The following CCNJL variants were observed in gnomAD, a reference collection of about 807,000 sequenced individuals.
CCNJL encodes the protein cyclin J like, also known as cyclin-J-like protein.
In CCNJL, 33 loss-of-function variants were observed where a neutral mutation model predicts 33.4. The observed-to-expected ratio is 0.99, with a 90% CI of 0.75 to 1.32. The LOEUF is 1.32. CCNJL is among the 40% of genes most tolerant of loss of function. CCNJL has a pLI of 0.00. For missense variants in CCNJL, 512 were observed against 499.7 expected (o/e 1.02, Z -0.23); for synonymous variants, 227 against 220.9 (o/e 1.03, Z -0.24).
chr5:160,298,529 G>A (rs188740833), intron 2 of CCNJL, among the ~76,000 whole-genome samples: 2 of 152,218 alleles, frequency 1.3e-5, no homozygotes, highest in East Asian at 3.9e-4. Context: ...TGCTCCCCTG[G>A]GCCTACAGTC....
chr5:160,268,413 T>C (rs993218334), intron 3 of CCNJL, among the ~76,000 whole-genome samples: 1 of 152,160 alleles, frequency 6.6e-6, no homozygotes, highest in African/African-American at 2.4e-5. Context: ...AGAAGACAAG[T>C]AGATAGAATT....
At position 160,312,515 on chromosome 5, in the gene CCNJL, TCGCCGCGCCCCTGCGTGCGCTCGGGTCC is replaced by T. The variant is rs1481332944; in HGVS notation, c.-229_-202del. On this transcript the variant is annotated 5_prime_UTR_variant, in exon 1 of 6. Transcript: ENST00000257536. ...TCCGCAGCCCGACTAGCCCCCGCCG[TCGCCGCGCCCCTGCGTGCGCTCGGGTCC>T]CGCCGCGGCTCGCAGGCTCCCGGCC... 2 of 151,520 alleles carry T rather than the reference TCGCCGCGCCCCTGCGTGCGCTCGGGTCC, an allele frequency of 1.3e-5. No individual in the cohort carries two copies. The highest frequency in any genetic ancestry group is 1.3e-4 in the Admixed American group (2 of 15,204). The allele number at this position is 151,520 out of a possible 1,614,324, so 9.4% of individuals were successfully genotyped here.
At chr5:160,271,697 G>A (rs750518163) in intron 3 of CCNJL, among the ~76,000 whole-genome samples, 18 of 152,370 alleles carry the variant, frequency 1.2e-4, no homozygotes, top group East Asian at 5.8e-4. Flanking sequence ...CCACGCAAAC[G>A]TCACTGATTA....
chr5:160,332,633 G>A (rs1021418602), intron 1 of CCNJL, among the ~76,000 whole-genome samples: 1 of 152,088 alleles, frequency 6.6e-6, no homozygotes, highest in Non-Finnish European at 1.5e-5. Context: ...CCACCTCAGG[G>A]CCTCCACACT....
At chr5:160,310,038 G>C (rs959018950) in intron 2 of CCNJL, among the ~76,000 whole-genome samples, 1 of 152,148 alleles carries the variant, frequency 6.6e-6, no homozygotes, top group African/African-American at 2.4e-5. Context: ...GCATTCTCAG[G>C]TAACTAAACA....
intron 1 of CCNJL, among the ~76,000 whole-genome samples, chr5:160,338,502 G>A (rs1406044444): frequency 6.6e-6 from 1 of 151,466 alleles, no homozygotes; most frequent in East Asian, 1.9e-4. Flanking sequence ...ACTGTTCACT[G>A]AAATAAAGCC....
chr5:160,279,856 G>T (rs1762146914), intron 3 of CCNJL, among the ~76,000 whole-genome samples: 1 of 152,220 alleles, frequency 6.6e-6, no homozygotes, highest in Non-Finnish European at 1.5e-5. Flanking sequence ...TTAAGTGGAA[G>T]GGTGGCATGG....
chr5:160,251,175 T>A lies in CCNJL; in HGVS notation c.*2203A>T, dbSNP rs536294552. On this transcript the variant is annotated 3_prime_UTR_variant, in exon 6 of 6. Transcript: ENST00000257536. ...GCCTCATCCAACTGGTAAAAGGTCG[T>A]AAGAGCAAAGATTGAGGTTTCCTGG... The A allele has an allele frequency of 8.5e-5, 13 of 152,344 alleles. No homozygotes were observed. The highest frequency in any genetic ancestry group is 2.9e-4 in the African/African-American group (12 of 41,580). The allele number at this position is 152,344 out of a possible 1,614,324, so 9.4% of individuals were successfully genotyped here. A position where few individuals can be genotyped will look rare whatever the true frequency, so the allele number is the denominator to read the frequency against.
chr5:160,256,873 G>C (rs530080961), intron 4 of CCNJL, among the ~76,000 whole-genome samples: 1 of 151,214 alleles, frequency 6.6e-6, no homozygotes, highest in Admixed American at 6.6e-5. Flanking sequence ...AGCTGAGATC[G>C]AGCCATTGCA....
rs1329393014 is a variant in CCNJL at position 160,253,053 on chromosome 5, G to A, written c.*325C>T. The A allele has an allele frequency of 7.6e-6, 2 of 262,030 alleles. No homozygotes were observed. Among genetic ancestry groups the A allele is most frequent in the Non-Finnish European group, 1.4e-5 (2 of 139,776 alleles). 16.2% of individuals were successfully genotyped at this position (262,030 alleles called of 1,614,324 possible). Reference sequence around the variant, plus strand: ...AAAACTGGACATGCTTGAGATCAGTGGTCTGTGTCCAGTTCCCACTCTCCT... The same window carrying A: ...AAAACTGGACATGCTTGAGATCAGTAGTCTGTGTCCAGTTCCCACTCTCCT... On this transcript the variant is annotated 3_prime_UTR_variant, in exon 6 of 6. Coordinates refer to ENST00000257536, the MANE Select transcript of CCNJL (RefSeq NM_001308173.3).
rs1389808493 is a variant in CCNJL at position 160,280,679 on chromosome 5, G to A, written c.126C>T (p.Phe42=). The change falls in exon 3 of 6, where the codon TTC becomes TTT. Residue 42 remains phenylalanine, a synonymous_variant. Transcript: ENST00000257536. Reference sequence around the variant, plus strand: ...TGCTCAGCAGGGTCAGGATGTCCACGAAGAACCGGCGGCTCTTCAGGAGTG... The same window carrying A: ...TGCTCAGCAGGGTCAGGATGTCCACAAAGAACCGGCGGCTCTTCAGGAGTG... ...HSPLLKSRRF[F]VDILTLLSSH... is the part of the protein sequence containing the mutation. 16 of 1,613,282 alleles carry A rather than the reference G, an allele frequency of 9.9e-6. No individual in the cohort carries two copies. Among genetic ancestry groups the A allele is most frequent in the South Asian group, 4.4e-5 (4 of 91,074 alleles).
chr5:160,301,616 T>C (rs12659100), intron 2 of CCNJL, among the ~76,000 whole-genome samples: 39,408 of 151,302 alleles, frequency 0.26, 5,294 homozygotes, highest in Non-Finnish European at 0.28. Flanking sequence ...TGTTTATTTT[T>C]AGTAGAGATG....
chr5:160,324,876 C>A (rs930348723), intron 1 of CCNJL, among the ~76,000 whole-genome samples: 3 of 152,052 alleles, frequency 2.0e-5, no homozygotes, highest in Non-Finnish European at 4.4e-5. Flanking sequence ...GTTTTTCCTG[C>A]TGTCTTTAAA....
intron 2 of CCNJL, among the ~76,000 whole-genome samples, chr5:160,296,940 C>T (rs1310583212): frequency 6.6e-6 from 1 of 152,124 alleles, no homozygotes; most frequent in Non-Finnish European, 1.5e-5. Context: ...GCTATGTGGG[C>T]TTGGGTAAGG....
In CCNJL at chr5:160,259,702, C is replaced by T. The variant is rs1761234911; in HGVS notation, c.350G>A (p.Ser117Asn). Residue 117 changes from serine (S) to asparagine (N), a missense_variant, in exon 4 of 6, where the codon AGC becomes AAC. Coordinates refer to ENST00000257536, the MANE Select transcript of CCNJL (RefSeq NM_001308173.3). ...EQINSTRILS[S>N]QNFTLTKKEL... The stretch of plus-strand genomic sequence containing the variant: ...CTTCTTGGTGAGGGTGAAGTTCTGG[C>T]TGCTCAGGATCCTCGTGCTGTTTAT... 3 of 1,614,180 alleles carry T rather than the reference C, an allele frequency of 1.9e-6. No homozygotes were observed. In the East Asian group the frequency reaches 6.7e-5, roughly 36 times the overall value.
chr5:160,253,190 T>C lies in CCNJL; in HGVS notation c.*188A>G. On this transcript the variant is annotated 3_prime_UTR_variant, in exon 6 of 6. Transcript: ENST00000257536. ...TGGCAGACGTTTCTCAGAGGAATGC[T>C]CTCGGGTGAGGTATGTTATTGAATG... 1.9e-6 allele frequency: 1 copy of C among 515,278 alleles called. No homozygotes were observed. The allele number at this position is 515,278 out of a possible 1,614,324, so 31.9% of individuals were successfully genotyped here.
chr5:160,299,241 C>T (rs1762848795), intron 2 of CCNJL, among the ~76,000 whole-genome samples: 2 of 152,200 alleles, frequency 1.3e-5, no homozygotes, highest in Admixed American at 1.3e-4. Context: ...CCTCTGTCTC[C>T]CGGGTTTAAG....
chr5:160,334,079 A>G (rs1023857508), intron 1 of CCNJL, among the ~76,000 whole-genome samples: 3 of 152,156 alleles, frequency 2.0e-5, no homozygotes, highest in Non-Finnish European at 4.4e-5. Flanking sequence ...CCATTTCAGG[A>G]ATCGCATGCT....
intron 2 of CCNJL, among the ~76,000 whole-genome samples, chr5:160,311,024 C>T (rs965985297): frequency 4.6e-5 from 7 of 152,212 alleles, no homozygotes; most frequent in African/African-American, 1.7e-4. Flanking sequence ...AATCCATTCA[C>T]TACTTCACAC....
Sources: allele counts gnomAD v4.1 joint callset (sites outside exome capture counted in the v4.1 genomes callset), GRCh38; gene constraint gnomAD v4.1.1; transcripts MANE v1.5; gene names NCBI Gene and HGNC (gene_info 2026-07-23, HGNC 2026-07-21).